GRIN3A: variants seen among roughly 807,000 people sequenced by gnomAD.
The protein encoded by GRIN3A is glutamate ionotropic receptor NMDA type subunit 3A.
A neutral mutation model predicts 92.4 loss-of-function variants in GRIN3A; 47 were observed. The ratio of observed to expected loss-of-function variants is 0.51; its 90% CI spans 0.40 to 0.65. The LOEUF (loss-of-function observed/expected upper bound fraction) is 0.65, where lower values mean the gene tolerates loss of function less well. GRIN3A is among the 30% of genes least tolerant of loss of function. The probability of loss-of-function intolerance (pLI) is 0.00; values close to 1 mark genes in which losing one functional copy is unlikely to be tolerated. For synonymous variants in GRIN3A, 527 were observed against 540.6 expected, an observed-to-expected ratio of 0.97 and a Z score of 0.35; for missense variants, 1,324 against 1,393.1, an observed-to-expected ratio of 0.95 and a Z score of 0.79.
At chr9:101,709,252 T>C (rs1342898977) in intron 1 of GRIN3A, among the ~76,000 whole-genome samples, 1 of 152,222 alleles carries the variant, frequency 6.6e-6, no homozygotes, top group Non-Finnish European at 1.5e-5. Flanking sequence ...TGACCTTTTC[T>C]GGTAAGAAAT....
chr9:101,580,050 C>T (rs538176527), intron 6 of GRIN3A, among the ~76,000 whole-genome samples: 12 of 152,296 alleles, frequency 7.9e-5, no homozygotes, highest in African/African-American at 2.9e-4. Flanking sequence ...ATTTTTTGAA[C>T]ATGGGCCCAG....
intron 3 of GRIN3A, among the ~76,000 whole-genome samples, chr9:101,631,541 C>T (rs970999873): frequency 6.6e-6 from 1 of 152,130 alleles, no homozygotes; most frequent in African/African-American, 2.4e-5. Flanking sequence ...TTTCTGAATG[C>T]ACCAGCACAT....
intron 6 of GRIN3A, among the ~76,000 whole-genome samples, chr9:101,608,497 CT>C (rs929804013): frequency 5.1e-4 from 78 of 151,480 alleles, no homozygotes; most frequent in African/African-American, 1.8e-3. Flanking sequence ...TTCAAAACAT[CT>C]TTTTTTTTGG....
intron 6 of GRIN3A, among the ~76,000 whole-genome samples, chr9:101,589,974 C>A (rs1828000612): frequency 6.6e-6 from 1 of 152,136 alleles, no homozygotes; most frequent in South Asian, 2.1e-4. Flanking sequence ...ATTAGAGTGA[C>A]CTGCATTTCT....
At chr9:101,601,709 C>A (rs1828213455) in intron 6 of GRIN3A, among the ~76,000 whole-genome samples, 2 of 152,274 alleles carry the variant, frequency 1.3e-5, no homozygotes, top group Non-Finnish European at 2.9e-5. Flanking sequence ...TCCTGACTTG[C>A]AGATGCATAA....
rs184975878 is a variant in GRIN3A at position 101,655,541 on chromosome 9, T to A, written c.2352+14519A>T. Among the ~76,000 whole-genome samples, 92 of 152,080 alleles carry A rather than the reference T, an allele frequency of 6.0e-4. 1 individual carries two copies. The highest frequency in any genetic ancestry group is 5.9e-5 in the Non-Finnish European group (4 of 67,914). On this transcript the variant is annotated intron_variant, in intron 3 of 8. Transcript: ENST00000361820. ...AGCTGTAAGCATTCTTATCATTGTA[T>A]GCTTAATATGTTTTTGAATATAGTT...
chr9:101,690,736 A>G (rs1200048615), intron 1 of GRIN3A, among the ~76,000 whole-genome samples: 1 of 152,218 alleles, frequency 6.6e-6, no homozygotes, highest in Non-Finnish European at 1.5e-5. Flanking sequence ...CATTTTTATA[A>G]AGCAATAATA....
intron 3 of GRIN3A, among the ~76,000 whole-genome samples, chr9:101,651,531 G>A (rs998437474): frequency 6.6e-6 from 1 of 151,838 alleles, no homozygotes; most frequent in Admixed American, 6.6e-5. Context: ...TATTTTCTGA[G>A]GATGAGGATT....
chr9:101,625,687 T>C (rs1564129635), intron 4 of GRIN3A, among the ~76,000 whole-genome samples: 1 of 152,154 alleles, frequency 6.6e-6, no homozygotes, highest in Non-Finnish European at 1.5e-5. Context: ...TTAGAAAGTG[T>C]TGGGGATGTG....
chr9:101,668,923 T>C (rs1372288297), intron 3 of GRIN3A, among the ~76,000 whole-genome samples: 1 of 152,182 alleles, frequency 6.6e-6, no homozygotes, highest in Non-Finnish European at 1.5e-5. Context: ...TAATTTTAAA[T>C]GTTTAATAGT....
chr9:101,733,835 A>G (rs1443123752), intron 1 of GRIN3A, among the ~76,000 whole-genome samples: 1 of 152,200 alleles, frequency 6.6e-6, no homozygotes, highest in Non-Finnish European at 1.5e-5. Flanking sequence ...GAGAGTGTTG[A>G]AAATAGTAGT....
intron 3 of GRIN3A, among the ~76,000 whole-genome samples, chr9:101,668,562 C>T (rs1484674737): frequency 2.0e-5 from 3 of 152,096 alleles, no homozygotes; most frequent in Admixed American, 1.3e-4. Flanking sequence ...AGAAGCATCA[C>T]CAACATCTCC....
rs1290292383 is a variant in GRIN3A, at chr9:101,573,245, G to C, written c.3277C>G (p.Leu1093Val). 1 of 1,614,112 alleles carries C rather than the reference G, an allele frequency of 6.2e-7. No individual in the cohort carries two copies. Among genetic ancestry groups the C allele is most frequent in the Non-Finnish European group, 8.5e-7 (1 of 1,179,992 alleles). ...GTTTTCCTGCTCACAGCCAGCTGCA[G>C]CTCCTGACGGATCACCTGAATCTGC... Reference protein sequence around the residue: ...EKQIQVIRQELQLAVSRKTEL... With the variant: ...EKQIQVIRQEVQLAVSRKTEL... Residue 1093 changes from leucine to valine, a missense_variant, in exon 9 of 9, where the codon CTG becomes GTG. By Grantham distance (32) the Leu-to-Val change is conservative (BLOSUM62 1). Transcript: ENST00000361820.
intron 2 of GRIN3A, among the ~76,000 whole-genome samples, chr9:101,682,721 G>T (rs980957568): frequency 1.6e-4 from 25 of 152,242 alleles, no homozygotes; most frequent in African/African-American, 6.0e-4. Flanking sequence ...GGTGGCTCAC[G>T]CCTGTAATCC....
chr9:101,673,615 A>T (rs148123386), intron 2 of GRIN3A, among the ~76,000 whole-genome samples: 1 of 152,274 alleles, frequency 6.6e-6, no homozygotes. Context: ...ATAAATGCTC[A>T]CTAAATTAGT....
chr9:101,688,214 G>A (rs1337710), intron 1 of GRIN3A, among the ~76,000 whole-genome samples: 140,313 of 152,218 alleles, frequency 0.92, 64,991 homozygotes, highest in Middle Eastern at 0.97. Flanking sequence ...TGTATGAAAC[G>A]AAGAAGTGTG....
intron 3 of GRIN3A, among the ~76,000 whole-genome samples, chr9:101,629,147 G>T (rs2118879880): frequency 6.6e-6 from 1 of 152,190 alleles, no homozygotes; most frequent in Admixed American, 6.5e-5. Flanking sequence ...AATCATGTTT[G>T]TAAAGTATGT....
chr9:101,650,235 C>T (rs562222206), intron 3 of GRIN3A, among the ~76,000 whole-genome samples: 1 of 152,118 alleles, frequency 6.6e-6, no homozygotes, highest in Non-Finnish European at 1.5e-5. Flanking sequence ...AGTGGACTGA[C>T]TATGTTAGTG....
chr9:101,612,169 T>A (rs1486232499), intron 6 of GRIN3A, among the ~76,000 whole-genome samples: 1 of 152,156 alleles, frequency 6.6e-6, no homozygotes, highest in Non-Finnish European at 1.5e-5. Context: ...AGGAGACTTT[T>A]ATAGTGGTCC....
Sources: allele counts gnomAD v4.1 joint callset (sites outside exome capture counted in the v4.1 genomes callset), GRCh38; gene constraint gnomAD v4.1.1; transcripts MANE v1.5; gene names NCBI Gene and HGNC (gene_info 2026-07-23, HGNC 2026-07-21).